TMEM276: variants seen among roughly 807,000 people sequenced by gnomAD.
The protein encoded by TMEM276 is transmembrane protein 276.
At chr8:144,466,308 TG>T in the TMEM276 span, 1 of 252,218 alleles carries the variant, frequency 4.0e-6, no homozygotes, top group Non-Finnish European at 7.0e-6. Context: ...AGCCGGGCCG[TG>T]GGGGCGGCCG....
the TMEM276 span, chr8:144,464,159 C>T: frequency 6.2e-7 from 1 of 1,612,680 alleles, no homozygotes; most frequent in African/African-American, 1.3e-5. Flanking sequence ...GTATGCAGGG[C>T]CCGGCAGTAA....
chr8:144,463,850 T>G, the TMEM276 span: 6 of 1,336,624 alleles, frequency 4.5e-6, no homozygotes, highest in Non-Finnish European at 4.8e-6. Context: ...TAAGATTTAT[T>G]GGAGACTAGG....
At chr8:144,464,664 CT>C in the TMEM276 span, 1 of 1,575,290 alleles carries the variant, frequency 6.3e-7, no homozygotes, top group Middle Eastern at 1.7e-4. Context: ...CGGGGTCACC[CT>C]TTTAAACAGG....
chr8:144,465,156 G>C, the TMEM276 span: 2 of 1,398,856 alleles, frequency 1.4e-6, no homozygotes, highest in Non-Finnish European at 9.4e-7. Context: ...CAGGGTCTAA[G>C]CTGGGGGGAA....
chr8:144,464,047 A>G, the TMEM276 span: 4 of 1,549,120 alleles, frequency 2.6e-6, no homozygotes, highest in East Asian at 4.5e-5. Flanking sequence ...GTCTACCCCT[A>G]GGGAGAAGGC....
the TMEM276 span, chr8:144,466,378 CG>C: frequency 3.4e-6 from 3 of 877,180 alleles, no homozygotes; most frequent in South Asian, 4.0e-5. Context: ...CGCGGGGACG[CG>C]GGGCGGCGCG....
the TMEM276 span, chr8:144,464,531 C>T: frequency 1.2e-6 from 2 of 1,612,380 alleles, no homozygotes; most frequent in South Asian, 2.2e-5. Context: ...AGGCAGTCTT[C>T]GTGTGTGCTC....
At chr8:144,464,965 G>T in the TMEM276 span, 1 of 1,585,052 alleles carries the variant, frequency 6.3e-7, no homozygotes, top group Non-Finnish European at 8.5e-7. Context: ...GGAGAGGAAG[G>T]AAGCGCAGAA....
chr8:144,466,837 C>T, the TMEM276 span: 16 of 1,536,776 alleles, frequency 1.0e-5, no homozygotes, highest in South Asian at 1.2e-4. Flanking sequence ...CCGGCCTGGC[C>T]GGTAGGTGCG....
At chr8:144,465,539 G>T in the TMEM276 span, 1 of 537,658 alleles carries the variant, frequency 1.9e-6, no homozygotes, top group Non-Finnish European at 2.4e-6. Flanking sequence ...GCTGGGGGGG[G>T]AGGGTCGAGG....
At chr8:144,466,414 G>A in the TMEM276 span, 3 of 1,288,236 alleles carry the variant, frequency 2.3e-6, no homozygotes, top group Admixed American at 2.9e-5. Context: ...GCCGCCCCGC[G>A]CTCCCATGTA....
At chr8:144,465,179 G>GGCCCTGGA in the TMEM276 span, 146 of 1,349,728 alleles carry the variant, frequency 1.1e-4, no homozygotes, top group South Asian at 2.0e-3. Context: ...TCAGCCCTGG[G>GGCCCTGGA]GCCCTGGAGC....
chr8:144,464,664 C>T, the TMEM276 span: 6 of 1,575,292 alleles, frequency 3.8e-6, no homozygotes, highest in Non-Finnish European at 5.2e-6. Flanking sequence ...CGGGGTCACC[C>T]TTTTAAACAG....
the TMEM276 span, chr8:144,464,334 T>C: frequency 1.2e-6 from 2 of 1,611,646 alleles, no homozygotes; most frequent in Non-Finnish European, 8.5e-7. Flanking sequence ...GGATGGTCAC[T>C]GCGACCACCA....
the TMEM276 span, chr8:144,466,437 G>T: frequency 7.4e-7 from 1 of 1,356,638 alleles, no homozygotes; most frequent in African/African-American, 1.5e-5. Context: ...CCTTTTACTC[G>T]TTGCTCATCT....
chr8:144,465,455 C>G, the TMEM276 span: 12 of 993,690 alleles, frequency 1.2e-5, no homozygotes, highest in Non-Finnish European at 1.4e-5. Flanking sequence ...CCCCCAGTTG[C>G]GGGAGCGAGC....
chr8:144,466,983 C>T, the TMEM276 span: 3 of 1,596,278 alleles, frequency 1.9e-6, no homozygotes, highest in African/African-American at 1.3e-5. Flanking sequence ...GAGGATGGGT[C>T]GGAAGGCGCA....
chr8:144,466,820 G>C, the TMEM276 span: 69 of 1,537,260 alleles, frequency 4.5e-5, no homozygotes, highest in Non-Finnish European at 5.8e-5. Flanking sequence ...GCTGTGGACC[G>C]AGCTGACCGG....
At chr8:144,464,068 G>A in the TMEM276 span, 5 of 1,560,864 alleles carry the variant, frequency 3.2e-6, no homozygotes, top group Admixed American at 3.7e-5. Flanking sequence ...GCCAGGAGCA[G>A]GCAGGTGGGA....
Sources: gnomAD v4.1 joint callset for allele counts on GRCh38, gnomAD v4.1.1 for gene constraint, MANE v1.5 for transcripts, NCBI Gene and HGNC (gene_info 2026-07-23, HGNC 2026-07-21) for gene names.